MAP2K4: variants seen among roughly 807,000 people sequenced by gnomAD.
The protein encoded by MAP2K4 is mitogen-activated protein kinase kinase 4, also known as dual specificity mitogen-activated protein kinase kinase 4.
In MAP2K4, 4 loss-of-function variants were observed where a neutral mutation model predicts 48.5. That is an observed-to-expected ratio of 0.08 (90% CI 0.04 to 0.19). The LOEUF is 0.19. Ranked by LOEUF, MAP2K4 falls within the 10% of genes least tolerant of loss-of-function variation. The probability of loss-of-function intolerance (pLI) is 1.00; values close to 1 mark genes in which losing one functional copy is unlikely to be tolerated. For missense variants in MAP2K4, 258 were observed against 493.3 expected, an observed-to-expected ratio of 0.52 and a Z score of 4.52; for synonymous variants, 166 against 173.1, an observed-to-expected ratio of 0.96 and a Z score of 0.32.
intron 10 of MAP2K4, among the ~76,000 whole-genome samples, chr17:12,140,384 A>G (rs1011515561): frequency 6.6e-6 from 1 of 152,194 alleles, no homozygotes; most frequent in African/African-American, 2.4e-5. Flanking sequence ...TAATGTGGGA[A>G]TATTTTAAGA....
chr17:12,045,091 C>T (rs146851766), intron 1 of MAP2K4, among the ~76,000 whole-genome samples: 1 of 152,356 alleles, frequency 6.6e-6, no homozygotes, highest in Non-Finnish European at 1.5e-5. Context: ...TATGGATCCC[C>T]TTAGCCCTGT....
chr17:12,085,867 G>A (rs1325699785), intron 3 of MAP2K4, among the ~76,000 whole-genome samples: 1 of 151,452 alleles, frequency 6.6e-6, no homozygotes. Flanking sequence ...GGGAAGTCAG[G>A]TATCAGAAAA....
At chr17:12,043,566 C>T (rs955702663) in intron 1 of MAP2K4, among the ~76,000 whole-genome samples, 1 of 152,116 alleles carries the variant, frequency 6.6e-6, no homozygotes, top group Non-Finnish European at 1.5e-5. Context: ...CAAACTTGAC[C>T]ACAACCCCCA....
At chr17:12,115,802 G>A in intron 7 of MAP2K4, 2 of 732,042 alleles carry the variant, frequency 2.7e-6, no homozygotes, top group Non-Finnish European at 5.1e-6. Flanking sequence ...CTGCTTCTGG[G>A]ACAGCTCTGC....
chr17:12,117,953 G>A (rs75873581), intron 7 of MAP2K4, among the ~76,000 whole-genome samples: 203 of 152,308 alleles, frequency 1.3e-3, no homozygotes, highest in African/African-American at 4.7e-3. Flanking sequence ...TATTAAAAGA[G>A]TGGATCTGTC....
chr17:12,104,645 A>T (rs1972046714), intron 4 of MAP2K4, among the ~76,000 whole-genome samples: 1 of 151,974 alleles, frequency 6.6e-6, no homozygotes, highest in Non-Finnish European at 1.5e-5. Flanking sequence ...ATTATTCAGG[A>T]TACTGATCTT....
At chr17:12,065,417 G>A (rs1472821672) in intron 2 of MAP2K4, among the ~76,000 whole-genome samples, 3 of 151,376 alleles carry the variant, frequency 2.0e-5, no homozygotes, top group Non-Finnish European at 4.4e-5. Flanking sequence ...TCCTGCCTCA[G>A]CCTCCCAAGT....
intron 2 of MAP2K4, among the ~76,000 whole-genome samples, chr17:12,072,640 T>C (rs2151540941): frequency 6.6e-6 from 1 of 152,236 alleles, no homozygotes; most frequent in South Asian, 2.1e-4. Context: ...AAAGCATAGA[T>C]TGGGATTAAA....
At chr17:12,027,441 C>T (rs919796190) in intron 1 of MAP2K4, among the ~76,000 whole-genome samples, 44 of 151,762 alleles carry the variant, frequency 2.9e-4, no homozygotes, top group African/African-American at 9.7e-4. Context: ...CATTGAAAAA[C>T]GAGGAATCAA....
At chr17:12,124,426 A>T (rs532934568) in intron 7 of MAP2K4, 1 of 152,284 alleles carries the variant, frequency 6.6e-6, no homozygotes, top group Non-Finnish European at 1.5e-5. Context: ...CAGTGCTTTA[A>T]TTTGGCTACA....
At chr17:12,076,657 C>T (rs754912860) in intron 2 of MAP2K4, among the ~76,000 whole-genome samples, 4 of 152,040 alleles carry the variant, frequency 2.6e-5, no homozygotes, top group Non-Finnish European at 5.9e-5. Context: ...TTGCATGTTT[C>T]GCAAAAGTTA....
chr17:12,104,182 T>C (rs1367127825), intron 4 of MAP2K4, among the ~76,000 whole-genome samples: 2 of 152,204 alleles, frequency 1.3e-5, no homozygotes, highest in Non-Finnish European at 2.9e-5. Context: ...GTTTCAGTTG[T>C]TAAGGTTACC....
intron 3 of MAP2K4, among the ~76,000 whole-genome samples, chr17:12,088,792 G>T (rs1407989829): frequency 1.3e-5 from 2 of 150,918 alleles, no homozygotes; most frequent in African/African-American, 4.9e-5. Flanking sequence ...GGTACAAAAG[G>T]TGGACAACTG....
chr17:12,053,842 C>T (rs1970211262), intron 1 of MAP2K4, among the ~76,000 whole-genome samples: 1 of 151,896 alleles, frequency 6.6e-6, no homozygotes, highest in African/African-American at 2.4e-5. Context: ...CAGTTTGAAC[C>T]CTCTATTAAA....
Position 12,143,345 on chromosome 17 carries a change from T to TTAATCA in MAP2K4, c.*2088_*2093dup, listed in dbSNP as rs1485966651. On this transcript the variant is annotated 3_prime_UTR_variant, in exon 11 of 11. Coordinates refer to ENST00000353533, the MANE Select transcript of MAP2K4 (RefSeq NM_003010.4). ...CACATAAGAAGGCAATTTTAGTGTA[T>TTAATCA]TAATCATAGATTATTATAAACTATA... 1.7e-5 allele frequency: 4 copies of TTAATCA among 232,718 alleles called. No individual in the cohort carries two copies. Among genetic ancestry groups the TTAATCA allele is most frequent in the Non-Finnish European group, 3.4e-5 (4 of 117,526 alleles). The allele number at this position is 232,718 out of a possible 1,614,324, so 14.4% of individuals were successfully genotyped here.
intron 4 of MAP2K4, among the ~76,000 whole-genome samples, chr17:12,097,939 C>G (rs1033515631): frequency 6.6e-6 from 1 of 152,108 alleles, no homozygotes; most frequent in African/African-American, 2.4e-5. Context: ...CACAAAATAC[C>G]TAAGTAGATG....
At chr17:12,030,188 T>TA (rs1279934795) in intron 1 of MAP2K4, among the ~76,000 whole-genome samples, 1 of 152,184 alleles carries the variant, frequency 6.6e-6, no homozygotes, top group Non-Finnish European at 1.5e-5. Context: ...CTTAAAGATT[T>TA]AGACAGACTA....
At chr17:12,082,579 C>A (rs1971228475) in intron 3 of MAP2K4, among the ~76,000 whole-genome samples, 1 of 152,182 alleles carries the variant, frequency 6.6e-6, no homozygotes, top group South Asian at 2.1e-4. Flanking sequence ...AAAATGCTTT[C>A]TGTGTAGAAG....
chr17:12,042,262 T>C (rs1426424076), intron 1 of MAP2K4, among the ~76,000 whole-genome samples: 3 of 151,836 alleles, frequency 2.0e-5, no homozygotes, highest in Non-Finnish European at 4.4e-5. Flanking sequence ...AACAAAATTA[T>C]GTATATGACT....
Sources: gnomAD v4.1 joint callset for allele counts (sites outside exome capture counted in the v4.1 genomes callset) on GRCh38, gnomAD v4.1.1 for gene constraint, MANE v1.5 for transcripts, NCBI Gene and HGNC (gene_info 2026-07-23, HGNC 2026-07-21) for gene names.